The following LYPLAL1 variants were observed in gnomAD, a reference collection of about 807,000 sequenced individuals.
LYPLAL1 encodes the protein lysophospholipase like 1.
LYPLAL1 carries 23 observed loss-of-function variants against 19.7 expected under a neutral mutation model. The observed-to-expected ratio is 1.17, with a 90% CI of 0.84 to 1.65. The LOEUF is 1.65. LYPLAL1 is among the 40% of genes most tolerant of loss of function. LYPLAL1 has a pLI of 0.00. For missense variants in LYPLAL1, 355 were observed against 279.4 expected (o/e 1.27, Z -1.93); for synonymous variants, 119 against 96.3 (o/e 1.24, Z -1.38).
the LYPLAL1 span, among the ~76,000 whole-genome samples, chr1:219,397,988 T>G: frequency 6.6e-6 from 1 of 152,216 alleles, no homozygotes; most frequent in East Asian, 1.9e-4. Context: ...TTCATATTTT[T>G]ACTTTTATTT....
chr1:219,236,319 T>C, the LYPLAL1 span, among the ~76,000 whole-genome samples: 10 of 152,212 alleles, frequency 6.6e-5, no homozygotes, highest in African/African-American at 2.4e-4. Context: ...TAGTGTAATA[T>C]TAAGTGTCAT....
At chr1:219,265,422 A>G in the LYPLAL1 span, among the ~76,000 whole-genome samples, 1 of 152,222 alleles carries the variant, frequency 6.6e-6, no homozygotes, top group African/African-American at 2.4e-5. Flanking sequence ...GAGTTACACA[A>G]TAATCTATTA....
chr1:219,384,456 C>G, the LYPLAL1 span, among the ~76,000 whole-genome samples: 2 of 152,170 alleles, frequency 1.3e-5, no homozygotes, highest in Non-Finnish European at 2.9e-5. Flanking sequence ...GGCATTCCAG[C>G]AGTGGTTTTT....
chr1:219,243,901 G>A, the LYPLAL1 span, among the ~76,000 whole-genome samples: 13 of 137,696 alleles, frequency 9.4e-5, no homozygotes, highest in African/African-American at 3.0e-4. Context: ...CCTGGGGGAC[G>A]AGAGCAAAAC....
At chr1:219,391,652 AAG>A in the LYPLAL1 span, among the ~76,000 whole-genome samples, 1 of 152,002 alleles carries the variant, frequency 6.6e-6, no homozygotes, top group Non-Finnish European at 1.5e-5. Flanking sequence ...AGATTTTTTT[AAG>A]AGTTCTGTGA....
At chr1:219,291,968 G>A in the LYPLAL1 span, among the ~76,000 whole-genome samples, 1 of 151,868 alleles carries the variant, frequency 6.6e-6, no homozygotes, top group East Asian at 1.9e-4. Context: ...TGCAATAATT[G>A]AAATAATCTA....
chr1:219,419,594 C>CACACACACACACAGAG, the LYPLAL1 span, among the ~76,000 whole-genome samples: 11 of 99,530 alleles, frequency 1.1e-4, no homozygotes, highest in Non-Finnish European at 1.4e-4. Flanking sequence ...CACACACACA[C>CACACACACACACAGAG]AGAGAGAGAG....
the LYPLAL1 span, among the ~76,000 whole-genome samples, chr1:219,250,176 A>G: frequency 6.6e-6 from 1 of 152,006 alleles, no homozygotes; most frequent in Non-Finnish European, 1.5e-5. Flanking sequence ...TCTATATTCT[A>G]TATAATTTGA....
chr1:219,388,376 C>T, the LYPLAL1 span, among the ~76,000 whole-genome samples: 1 of 152,082 alleles, frequency 6.6e-6, no homozygotes. Flanking sequence ...ATTCACGTTT[C>T]CTTGTACACT....
At chr1:219,279,579 T>A in the LYPLAL1 span, among the ~76,000 whole-genome samples, 1 of 152,234 alleles carries the variant, frequency 6.6e-6, no homozygotes. Flanking sequence ...TCATTTATTA[T>A]AACAATGAGA....
At chr1:219,318,082 C>A in the LYPLAL1 span, among the ~76,000 whole-genome samples, 1 of 152,118 alleles carries the variant, frequency 6.6e-6, no homozygotes, top group African/African-American at 2.4e-5. Context: ...AACTCAGAAA[C>A]ATGAAAAACT....
Position 219,193,204 on chromosome 1 carries a change from T to C in LYPLAL1, c.314T>C (p.Ile105Thr), listed in dbSNP as rs145589411. Residue 105 changes from isoleucine (I) to threonine (T), a missense_variant, in exon 3 of 5, where the codon ATT becomes ACT. Ile to Thr is a moderately conservative substitution (Grantham distance 89). Coordinates refer to ENST00000366928, the MANE Select transcript of LYPLAL1 (RefSeq NM_138794.5). ...ATGTGTCAAGTGCTTACTGATTTGA[T>C]TGATGAAGAAGTAAAAAGTGGCATC... The part of the protein sequence containing the change: ...DVMCQVLTDL[I>T]DEEVKSGIKK... 1.3e-3 allele frequency: 2,091 copies of C among 1,610,680 alleles called. 6 individuals carry two copies. Among genetic ancestry groups the C allele is most frequent in the South Asian group, 1.7e-3 (151 of 90,948 alleles).
At chr1:219,342,448 A>C in the LYPLAL1 span, among the ~76,000 whole-genome samples, 3 of 152,088 alleles carry the variant, frequency 2.0e-5, no homozygotes, top group Non-Finnish European at 4.4e-5. Context: ...ATTAGGCCCC[A>C]AGGAACCTGC....
chr1:219,385,534 AT>A, the LYPLAL1 span, among the ~76,000 whole-genome samples: 1 of 145,076 alleles, frequency 6.9e-6, no homozygotes, highest in Non-Finnish European at 1.6e-5. Context: ...TCTAAAAATA[AT>A]TTTATATTAT....
the LYPLAL1 span, among the ~76,000 whole-genome samples, chr1:219,398,742 C>T: frequency 4.6e-5 from 7 of 152,114 alleles, no homozygotes; most frequent in African/African-American, 7.2e-5. Context: ...TTATCCTATT[C>T]GATGACCTCG....
chr1:219,431,113 A>G, the LYPLAL1 span, among the ~76,000 whole-genome samples: 7 of 152,208 alleles, frequency 4.6e-5, no homozygotes, highest in Admixed American at 6.5e-5. Flanking sequence ...TCGCAAAACT[A>G]TAATGTGCCT....
At chr1:219,223,536 G>C in the LYPLAL1 span, among the ~76,000 whole-genome samples, 3 of 152,066 alleles carry the variant, frequency 2.0e-5, no homozygotes, top group Non-Finnish European at 2.9e-5. Context: ...TCATTATTAT[G>C]TGCTTTTTCT....
intron 2 of LYPLAL1, among the ~76,000 whole-genome samples, chr1:219,185,911 T>G (rs1572164643): frequency 1.3e-5 from 2 of 151,898 alleles, no homozygotes; most frequent in Non-Finnish European, 2.9e-5. Context: ...CCTCATTAGT[T>G]AAAAGACTGC....
the LYPLAL1 span, among the ~76,000 whole-genome samples, chr1:219,411,078 C>T: frequency 5.2e-4 from 79 of 152,346 alleles, no homozygotes; most frequent in African/African-American, 1.5e-3. Flanking sequence ...CCTGCAGCCC[C>T]GGTGCCGGAT....
Sources: gnomAD v4.1 joint callset for allele counts (sites outside exome capture counted in the v4.1 genomes callset) on GRCh38, gnomAD v4.1.1 for gene constraint, MANE v1.5 for transcripts, NCBI Gene and HGNC (gene_info 2026-07-23, HGNC 2026-07-21) for gene names.